Variants in PAK1 observed in about 807,000 individuals in gnomAD.
PAK1 encodes p21 (RAC1) activated kinase 1, also known as serine/threonine-protein kinase PAK 1.
PAK1 carries 29 observed loss-of-function variants against 67.4 expected under a neutral mutation model. The observed-to-expected ratio is 0.43, with a 90% confidence interval of 0.32 to 0.59. The LOEUF (loss-of-function observed/expected upper bound fraction) is 0.59. Among genes scored for constraint, PAK1 ranks in the 20% least tolerant of loss-of-function variants. The pLI, the probability that PAK1 is intolerant of heterozygous loss-of-function variation, is 0.07. For synonymous variants in PAK1, 223 were observed against 237.4 expected, an observed-to-expected ratio of 0.94 and a Z score of 0.56; for missense variants, 337 against 670.7, an observed-to-expected ratio of 0.50 and a Z score of 5.50.
the PAK1 span, among the ~76,000 whole-genome samples, chr11:77,500,889 C>G: frequency 6.6e-6 from 1 of 152,138 alleles, no homozygotes; most frequent in African/African-American, 2.4e-5. Flanking sequence ...CTTACCACAG[C>G]CAGCTAGCCT....
rs187517886 is a variant in PAK1, at chr11:77,458,036, A to T, written c.-22+15516T>A. ...ATATAATTTAAAAAACACAATCCCA[A>T]TCTCAGGGAACTAAATCTAATGGAG... On this transcript the variant is annotated intron_variant, in intron 1 of 14. Coordinates refer to ENST00000356341, the MANE Select transcript of PAK1 (RefSeq NM_002576.5). 9.3e-4 allele frequency among the ~76,000 whole-genome samples: 142 copies of T among 152,314 alleles called. 3 individuals carry two copies. Among genetic ancestry groups the T allele is most frequent in the African/African-American group, 3.3e-3 (139 of 41,560 alleles).
chr11:77,373,733 T>C (rs190210487), intron 5 of PAK1, among the ~76,000 whole-genome samples: 70 of 152,284 alleles, frequency 4.6e-4, no homozygotes, highest in African/African-American at 1.6e-3. Flanking sequence ...TCCAGCCAAT[T>C]CTTCATGATT....
chr11:77,464,023 C>T (rs187669918), intron 1 of PAK1, among the ~76,000 whole-genome samples: 18 of 152,228 alleles, frequency 1.2e-4, no homozygotes, highest in African/African-American at 3.6e-4. Flanking sequence ...ATTAACAATT[C>T]AACATATAAC....
At chr11:77,342,196 T>C (rs1381663381) in intron 10 of PAK1, among the ~76,000 whole-genome samples, 1 of 152,112 alleles carries the variant, frequency 6.6e-6, no homozygotes, top group Non-Finnish European at 1.5e-5. Flanking sequence ...AATGCTCAGG[T>C]TAATGTCCTC....
At chr11:77,341,957 C>G (rs748538951) in intron 10 of PAK1, among the ~76,000 whole-genome samples, 7 of 152,172 alleles carry the variant, frequency 4.6e-5, no homozygotes, top group Non-Finnish European at 1.0e-4. Flanking sequence ...CTTCAACAAT[C>G]TCTTTTGAGA....
At chr11:77,453,925 A>G (rs1205886842) in intron 1 of PAK1, among the ~76,000 whole-genome samples, 3 of 152,158 alleles carry the variant, frequency 2.0e-5, no homozygotes, top group Admixed American at 6.5e-5. Flanking sequence ...ACAAAAAAAT[A>G]CAAAAAAATT....
the PAK1 span, among the ~76,000 whole-genome samples, chr11:77,523,665 G>A: frequency 7.2e-5 from 11 of 152,160 alleles, no homozygotes; most frequent in South Asian, 2.1e-4. Flanking sequence ...TGATCCTCCC[G>A]CCTTGACCTC....
intron 1 of PAK1, among the ~76,000 whole-genome samples, chr11:77,407,637 GT>G (rs1481881448): frequency 6.6e-6 from 1 of 152,220 alleles, no homozygotes; most frequent in Non-Finnish European, 1.5e-5. Flanking sequence ...CCTATGAGGT[GT>G]TAAATCCCTA....
At chr11:77,483,744 G>A in the PAK1 span, among the ~76,000 whole-genome samples, 1 of 152,230 alleles carries the variant, frequency 6.6e-6, no homozygotes, top group African/African-American at 2.4e-5. Context: ...TAGCCATATG[G>A]AAGGTGCTAA....
intron 1 of PAK1, among the ~76,000 whole-genome samples, chr11:77,439,948 A>G (rs1220809670): frequency 6.6e-6 from 1 of 152,220 alleles, no homozygotes. Flanking sequence ...GCATAAAGTT[A>G]GAAACCTAGT....
At chr11:77,332,049 T>C (rs1352640170) in intron 14 of PAK1, among the ~76,000 whole-genome samples, 1 of 151,800 alleles carries the variant, frequency 6.6e-6, no homozygotes, top group Admixed American at 6.6e-5. Context: ...ATGCCTGTAG[T>C]CCCAGCACTT....
chr11:77,326,316 A>G (rs1939851876), intron 14 of PAK1, among the ~76,000 whole-genome samples: 1 of 152,208 alleles, frequency 6.6e-6, no homozygotes, highest in South Asian at 2.1e-4. Flanking sequence ...CTCAATAAGT[A>G]GAGTATCATT....
intron 1 of PAK1, among the ~76,000 whole-genome samples, chr11:77,406,798 AGAC>A (rs1439092040): frequency 6.6e-6 from 1 of 152,136 alleles, no homozygotes; most frequent in Non-Finnish European, 1.5e-5. Context: ...AAAAAAGAGT[AGAC>A]ACCCAGTATC....
chr11:77,487,875 G>C, the PAK1 span, among the ~76,000 whole-genome samples: 1 of 152,184 alleles, frequency 6.6e-6, no homozygotes, highest in Non-Finnish European at 1.5e-5. Flanking sequence ...CTGAAGAGAA[G>C]GACACAAGCC....
chr11:77,332,362 GGGAAAGGAAGGGAAGGGAA>G (rs1941802549), intron 14 of PAK1, among the ~76,000 whole-genome samples: 1 of 1,178 alleles, frequency 8.5e-4, no homozygotes, highest in Admixed American at 4.7e-3. Flanking sequence ...GGGAAGGGAA[GGGAAAGGAAGGGAAGGGAA>G]GGGAAGGGAA....
chr11:77,490,261 C>T, the PAK1 span, among the ~76,000 whole-genome samples: 6,762 of 149,854 alleles, frequency 0.045, 551 homozygotes, highest in African/African-American at 0.16. Flanking sequence ...CCCGGCCAGC[C>T]GCCCCGTCTC....
chr11:77,424,470 A>T (rs1033353310), intron 1 of PAK1, among the ~76,000 whole-genome samples: 1 of 152,208 alleles, frequency 6.6e-6, no homozygotes, highest in Non-Finnish European at 1.5e-5. Flanking sequence ...CAGTAAAAAC[A>T]AATGTTCCAC....
chr11:77,360,236 C>G (rs1240828131), intron 5 of PAK1, among the ~76,000 whole-genome samples: 1 of 152,122 alleles, frequency 6.6e-6, no homozygotes, highest in Non-Finnish European at 1.5e-5. Flanking sequence ...TAGATTTTAA[C>G]AGGGCCTCCA....
At chr11:77,402,428 G>A (rs1386711494) in intron 1 of PAK1, among the ~76,000 whole-genome samples, 1 of 152,142 alleles carries the variant, frequency 6.6e-6, no homozygotes, top group Non-Finnish European at 1.5e-5. Flanking sequence ...AATATTTACA[G>A]GTCTTATAAT....
Sources: gnomAD v4.1 joint callset for allele counts (sites outside exome capture counted in the v4.1 genomes callset) on GRCh38, gnomAD v4.1.1 for gene constraint, MANE v1.5 for transcripts, NCBI Gene and HGNC (gene_info 2026-07-23, HGNC 2026-07-21) for gene names.